ATRN: variants seen among roughly 807,000 people sequenced by gnomAD.
ATRN encodes attractin.
In ATRN, 54 loss-of-function variants were observed where a neutral mutation model predicts 178.7. The ratio of observed to expected loss-of-function variants is 0.30; its 90% confidence interval spans 0.24 to 0.38. ATRN has a LOEUF of 0.38. Ranked by LOEUF, ATRN falls within the 10% of genes least tolerant of loss-of-function variation. The pLI, the probability that ATRN is intolerant of heterozygous loss-of-function variation, is 1.00. For missense variants in ATRN, 1,443 were observed against 1,815.1 expected, an observed-to-expected ratio of 0.79 and a Z score of 3.73; for synonymous variants, 636 against 663.0, an observed-to-expected ratio of 0.96 and a Z score of 0.63.
At chr20:3,565,298 G>C (rs1311109699) in intron 10 of ATRN, 50 bp from the exon 11 acceptor site, 5 of 1,440,308 alleles carry the variant, frequency 3.5e-6, no homozygotes, top group Non-Finnish European at 2.9e-6. Flanking sequence ...GTCAGGTCCT[G>C]TTGATTAGAA....
intron 1 of ATRN, among the ~76,000 whole-genome samples, chr20:3,532,233 A>G (rs1419646875): frequency 5.3e-5 from 8 of 152,256 alleles, no homozygotes; most frequent in Non-Finnish European, 1.0e-4. Flanking sequence ...TAGGAGCAGA[A>G]GCAGCATAGT....
intron 24 of ATRN, among the ~76,000 whole-genome samples, chr20:3,616,370 T>C (rs1156327940): frequency 6.6e-6 from 1 of 152,004 alleles, no homozygotes; most frequent in Non-Finnish European, 1.5e-5. Context: ...CGTTAGAAGC[T>C]CGGTGTTGGA....
At position 3,562,468 on chromosome 20, in the gene ATRN, T is replaced by C. The variant is rs776295756; in HGVS notation, c.1631+9T>C. On this transcript the variant is annotated intron_variant, in intron 9 of 28. Coordinates refer to ENST00000262919, the MANE Select transcript of ATRN (RefSeq NM_139321.3). The stretch of plus-strand genomic sequence containing the variant: ...GTGGATACCCAGATGTGGTGGGTAC[T>C]TTTTCTTGAGCTTTCACTTTAAGGT... 14 of 1,611,940 alleles carry C rather than the reference T, an allele frequency of 8.7e-6. No individual in the cohort carries two copies. The highest frequency in any genetic ancestry group is 1.7e-4 in the Middle Eastern group (1 of 6,050).
At chr20:3,485,453 T>C (rs2084677137) in intron 1 of ATRN, among the ~76,000 whole-genome samples, 2 of 152,118 alleles carry the variant, frequency 1.3e-5, no homozygotes, top group Non-Finnish European at 1.5e-5. Flanking sequence ...TGTGATTATA[T>C]TGATTTTTGT....
intron 7 of ATRN, among the ~76,000 whole-genome samples, chr20:3,559,805 A>C (rs1413325509): frequency 3.9e-5 from 6 of 152,200 alleles, no homozygotes; most frequent in African/African-American, 1.2e-4. Context: ...ATGTGGCTGA[A>C]CAAACATTTT....
At chr20:3,595,249 C>T (rs1162348878) in intron 20 of ATRN, among the ~76,000 whole-genome samples, 1 of 152,194 alleles carries the variant, frequency 6.6e-6, no homozygotes, top group Non-Finnish European at 1.5e-5. Flanking sequence ...GATAGTTCCT[C>T]AATCAATGTA....
intron 6 of ATRN, among the ~76,000 whole-genome samples, chr20:3,550,489 C>A (rs1479490842): frequency 6.6e-6 from 1 of 152,066 alleles, no homozygotes; most frequent in Non-Finnish European, 1.5e-5. Flanking sequence ...TGCCTTTGTT[C>A]GAGCCCTTTA....
At chr20:3,544,703 A>C (rs1249467822) in intron 3 of ATRN, among the ~76,000 whole-genome samples, 2 of 152,190 alleles carry the variant, frequency 1.3e-5, no homozygotes, top group African/African-American at 4.8e-5. Flanking sequence ...GGCAGAGTGA[A>C]GTGGGATGGA....
At chr20:3,569,495 C>T (rs1306397925) in intron 11 of ATRN, among the ~76,000 whole-genome samples, 3 of 152,144 alleles carry the variant, frequency 2.0e-5, no homozygotes, top group Non-Finnish European at 4.4e-5. Context: ...AGGGAGCATA[C>T]AGGACTGGAA....
At chr20:3,582,741 C>A (rs1052682454) in intron 16 of ATRN, among the ~76,000 whole-genome samples, 3 of 152,082 alleles carry the variant, frequency 2.0e-5, no homozygotes, top group Non-Finnish European at 4.4e-5. Context: ...ATTAGTAAAG[C>A]AAGCAAGTGA....
Position 3,486,170 on chromosome 20 carries a change from T to TC in ATRN, c.410+14654dup, listed in dbSNP as rs1328718698. 7.9e-5 allele frequency among the ~76,000 whole-genome samples: 12 copies of TC among 152,106 alleles called. 1 individual carries two copies. The highest frequency in any genetic ancestry group is 6.5e-4 in the Admixed American group (10 of 15,268). On this transcript the variant is annotated intron_variant, in intron 1 of 28. Transcript: ENST00000262919. Reference sequence around the variant, plus strand: ...TTTTTTCTTTCTCTCTTTTTTAGCTTCTTACTCTGGAAAATTTCAAATAAA... The same window carrying TC: ...TTTTTTCTTTCTCTCTTTTTTAGCTTCCTTACTCTGGAAAATTTCAAATAAA...
At chr20:3,627,926 A>G (rs1459170084) in intron 25 of ATRN, among the ~76,000 whole-genome samples, 1 of 152,188 alleles carries the variant, frequency 6.6e-6, no homozygotes, top group African/African-American at 2.4e-5. Context: ...TAATCCCAGC[A>G]CTTTGGGAGG....
chr20:3,490,843 C>T, intron 1 of ATRN: 1 of 814,752 alleles, frequency 1.2e-6, no homozygotes, highest in South Asian at 1.3e-5. Flanking sequence ...TCATACAGAT[C>T]CCTCAGGTTC....
At chr20:3,624,653 T>TA in intron 25 of ATRN, 81 bp downstream of exon 25, 1 of 1,134,064 alleles carries the variant, frequency 8.8e-7, no homozygotes, top group South Asian at 1.4e-5. Context: ...TCCTAAAAGA[T>TA]AAAAAGAATA....
In ATRN at chr20:3,575,842, G is replaced by A; in HGVS notation, c.2108G>A (p.Arg703Lys). Reference protein sequence around the residue: ...CFSKRTLDHDRCDQHTDCYSC... With the variant: ...CFSKRTLDHDKCDQHTDCYSC... ...TTCTTTGCAGCTCTTGACCATGACA[G>A]ATGTGACCAGCACACAGATTGTTAC... The change falls in exon 13 of 29, where the codon AGA becomes AAA. Residue 703 changes from arginine (R) to lysine (K), a missense_variant. By Grantham distance (26) the Arg-to-Lys change is conservative. This residue lies in a region of ATRN where 862 missense variants were observed against 972.1 expected (regional missense o/e 0.89). Transcript: ENST00000262919. 6.2e-7 allele frequency: 1 copy of A among 1,612,240 alleles called. No individual in the cohort carries two copies.
intron 6 of ATRN, among the ~76,000 whole-genome samples, chr20:3,551,170 A>G (rs1370632316): frequency 6.6e-6 from 1 of 152,220 alleles, no homozygotes; most frequent in Non-Finnish European, 1.5e-5. Context: ...AGGAACACCT[A>G]GAATACTATG....
chr20:3,583,252 A>G (rs911878489), intron 16 of ATRN, among the ~76,000 whole-genome samples: 1 of 152,198 alleles, frequency 6.6e-6, no homozygotes, highest in African/African-American at 2.4e-5. Flanking sequence ...AATTGCAAAC[A>G]TGAGATTTTA....
Position 3,579,481 on chromosome 20 carries a change from G to A in ATRN, c.2544+709G>A, listed in dbSNP as rs549065698. On this transcript the variant is annotated intron_variant, in intron 15 of 28. Transcript: ENST00000262919. ...AGCCTGGGTGACAGAGCGATACTCC[G>A]TCTCAAAACAAAAAAAGAACAGCAA... is the stretch of plus-strand genomic sequence containing the variant. Among the ~76,000 whole-genome samples the A allele has an allele frequency of 1.4e-4, 22 of 152,158 alleles. No individual in the cohort carries two copies. In the South Asian group the frequency reaches 3.3e-3, roughly 23 times the overall value.
intron 1 of ATRN, among the ~76,000 whole-genome samples, chr20:3,476,629 C>T (rs763604185): frequency 5.0e-4 from 76 of 152,282 alleles, no homozygotes; most frequent in African/African-American, 1.6e-3. Context: ...GAGGCTGAGG[C>T]GGGCGGATCG....
Sources: gnomAD v4.1 joint callset for allele counts (sites outside exome capture counted in the v4.1 genomes callset) on GRCh38, gnomAD v4.1.1 for gene constraint, gnomAD v4.1.1 regional missense constraint, MANE v1.5 for transcripts, NCBI Gene and HGNC (gene_info 2026-07-23, HGNC 2026-07-21) for gene names.